The following PCDH15 variants were observed in gnomAD, a reference collection of about 807,000 sequenced individuals.
The protein encoded by PCDH15 is protocadherin-15.
Under a neutral mutation model 178.5 loss-of-function variants are expected in PCDH15, and 129 were observed. That is an observed-to-expected ratio of 0.72 (90% confidence interval 0.63 to 0.84). PCDH15 has a LOEUF of 0.84. Ranked by LOEUF, PCDH15 falls within the 40% of genes least tolerant of loss-of-function variation. PCDH15 has a pLI of 0.00. For missense variants in PCDH15, 2,230 were observed against 2,099.9 expected (o/e 1.06, Z -1.21); for synonymous variants, 800 against 732.0 (o/e 1.09, Z -1.50).
intron 2 of PCDH15, among the ~76,000 whole-genome samples, chr10:55,397,886 G>A (rs1837968446): frequency 6.6e-6 from 1 of 152,102 alleles, no homozygotes; most frequent in African/African-American, 2.4e-5. Flanking sequence ...ACCACGCCTG[G>A]CCTGTATACT....
intron 18 of PCDH15, among the ~76,000 whole-genome samples, chr10:54,060,977 G>C (rs930763154): frequency 7.9e-5 from 12 of 152,168 alleles, no homozygotes; most frequent in African/African-American, 1.9e-4. Flanking sequence ...GACTGGCTTA[G>C]AGTCAGTCTA....
At chr10:54,035,685 C>T (rs1218811555) in intron 18 of PCDH15, among the ~76,000 whole-genome samples, 4 of 151,770 alleles carry the variant, frequency 2.6e-5, no homozygotes, top group African/African-American at 9.7e-5. Context: ...ATTAATAACC[C>T]CACTATGTAT....
chr10:54,215,560 T>C (rs955990013), intron 9 of PCDH15, among the ~76,000 whole-genome samples: 1 of 152,044 alleles, frequency 6.6e-6, no homozygotes, highest in African/African-American at 2.4e-5. Context: ...AAATGAGCAC[T>C]AGTCATAGAT....
At chr10:53,921,881 G>T (rs1004296866) in intron 25 of PCDH15, among the ~76,000 whole-genome samples, 5 of 152,110 alleles carry the variant, frequency 3.3e-5, no homozygotes. Context: ...GCAGAGAATG[G>T]ACACCATACC....
rs1243763683 is a variant in PCDH15, at chr10:53,803,424, T to C, written c.*3155A>G. On this transcript the variant is annotated 3_prime_UTR_variant, in exon 38 of 38. Transcript: ENST00000644397. ...ATGATATAAAAATGTTTTTAAATAA[T>C]ATTTTAATGGTAACTACTGAATCAC... is the stretch of plus-strand genomic sequence containing the variant. 1.3e-5 allele frequency: 2 copies of C among 152,084 alleles called. No homozygotes were observed. The highest frequency in any genetic ancestry group is 3.9e-4 in the East Asian group (2 of 5,188). 9.4% of individuals were successfully genotyped at this position (152,084 alleles called of 1,614,324 possible).
intron 18 of PCDH15, among the ~76,000 whole-genome samples, chr10:54,056,115 T>A (rs2135690531): frequency 6.6e-6 from 1 of 152,304 alleles, no homozygotes; most frequent in South Asian, 2.1e-4. Flanking sequence ...ATGCCATTTT[T>A]AATTGATATA....
At chr10:55,047,063 A>G (rs997090573) in intron 2 of PCDH15, among the ~76,000 whole-genome samples, 2 of 151,848 alleles carry the variant, frequency 1.3e-5, no homozygotes, top group Admixed American at 6.6e-5. Context: ...TCAGTTGAAT[A>G]TCTAAGATTA....
intron 2 of PCDH15, among the ~76,000 whole-genome samples, chr10:55,017,665 T>C (rs1177528686): frequency 6.6e-6 from 1 of 152,100 alleles, no homozygotes; most frequent in African/African-American, 2.4e-5. Flanking sequence ...CAATAATATG[T>C]CTTTGGAGCT....
chr10:54,773,262 CT>C (rs528192546), intron 1 of PCDH15, among the ~76,000 whole-genome samples: 18 of 150,052 alleles, frequency 1.2e-4, no homozygotes, highest in East Asian at 7.8e-4. Context: ...AAGCTGAAGA[CT>C]TTTTTTTTTC....
chr10:53,855,920 A>ATATATATATATATATGTGTGTGTGTG (rs1201156130), intron 28 of PCDH15, among the ~76,000 whole-genome samples: 1 of 140,378 alleles, frequency 7.1e-6, no homozygotes, highest in Non-Finnish European at 1.5e-5. Context: ...ATATATATAT[A>ATATATATATATATATGTGTGTGTGTG]TGTATGTGTG....
chr10:55,521,859 A>G (rs1841183838), intron 2 of PCDH15, among the ~76,000 whole-genome samples: 1 of 151,976 alleles, frequency 6.6e-6, no homozygotes, highest in Non-Finnish European at 1.5e-5. Flanking sequence ...GAACACTTAC[A>G]TTAGCATGGA....
chr10:54,161,361 G>A (rs1289784930), intron 13 of PCDH15, among the ~76,000 whole-genome samples: 2 of 152,116 alleles, frequency 1.3e-5, no homozygotes. Flanking sequence ...ACTTTTAGAG[G>A]CAGAAACCAA....
At chr10:54,899,538 C>T (rs1185921966) in intron 2 of PCDH15, among the ~76,000 whole-genome samples, 2 of 149,378 alleles carry the variant, frequency 1.3e-5, no homozygotes, top group African/African-American at 4.9e-5. Flanking sequence ...ACCCTGTGGC[C>T]CAGGCTGGAG....
chr10:54,653,999 ATCTAT>A (rs1422529499), intron 2 of PCDH15, among the ~76,000 whole-genome samples: 2 of 152,202 alleles, frequency 1.3e-5, no homozygotes, highest in Non-Finnish European at 2.9e-5. Flanking sequence ...AACATTCAGA[ATCTAT>A]TCTTTTAGTA....
At chr10:53,887,354 C>A (rs140943685) in intron 26 of PCDH15, among the ~76,000 whole-genome samples, 1 of 152,176 alleles carries the variant, frequency 6.6e-6, no homozygotes, top group East Asian at 1.9e-4. Flanking sequence ...CTATGCTAAC[C>A]AATAAGAAAA....
At chr10:54,912,618 T>C (rs1954836594) in intron 2 of PCDH15, among the ~76,000 whole-genome samples, 1 of 152,184 alleles carries the variant, frequency 6.6e-6, no homozygotes, top group Non-Finnish European at 1.5e-5. Context: ...AAGTTCATTA[T>C]AGCAATGTGA....
At chr10:53,943,836 T>G (rs897838245) in intron 23 of PCDH15, among the ~76,000 whole-genome samples, 1 of 152,150 alleles carries the variant, frequency 6.6e-6, no homozygotes, top group Non-Finnish European at 1.5e-5. Context: ...TGAACCTCCA[T>G]GATAATGAGC....
At chr10:55,543,852 C>G (rs1841817673) in intron 2 of PCDH15, among the ~76,000 whole-genome samples, 1 of 151,488 alleles carries the variant, frequency 6.6e-6, no homozygotes, top group Non-Finnish European at 1.5e-5. Context: ...TTCTCTTACT[C>G]TTGATGAAAA....
intron 1 of PCDH15, among the ~76,000 whole-genome samples, chr10:55,211,457 T>C (rs56373370): frequency 0.16 from 24,817 of 152,134 alleles, 2,712 homozygotes; most frequent in Non-Finnish European, 0.24. Flanking sequence ...AACAATTCAT[T>C]TGGAAAATAT....
Sources: allele counts gnomAD v4.1 joint callset (sites outside exome capture counted in the v4.1 genomes callset), GRCh38; gene constraint gnomAD v4.1.1; transcripts MANE v1.5; gene names NCBI Gene and HGNC (gene_info 2026-07-23, HGNC 2026-07-21).